Variants in LMBR1 observed in about 807,000 individuals in gnomAD.
The protein encoded by LMBR1 is limb region 1 protein homolog.
A neutral mutation model predicts 73.9 loss-of-function variants in LMBR1; 52 were observed. The ratio of observed to expected loss-of-function variants is 0.70; its 90% CI spans 0.56 to 0.89. LMBR1 has a LOEUF of 0.89. LMBR1 is among the 40% of genes least tolerant of loss of function. The pLI is 0.00. For missense variants in LMBR1, 539 were observed against 579.8 expected, an observed-to-expected ratio of 0.93 and a Z score of 0.72; for synonymous variants, 215 against 209.4, an observed-to-expected ratio of 1.03 and a Z score of -0.23.
intron 15 of LMBR1, among the ~76,000 whole-genome samples, chr7:156,703,808 C>T (rs138543480): frequency 6.9e-4 from 105 of 152,244 alleles, no homozygotes; most frequent in African/African-American, 2.1e-3. Context: ...GCATGGCATC[C>T]GGGCTCATGA....
chr7:156,876,439 T>C (rs957951242), intron 1 of LMBR1, among the ~76,000 whole-genome samples: 1 of 152,040 alleles, frequency 6.6e-6, no homozygotes, highest in Non-Finnish European at 1.5e-5. Flanking sequence ...AAAGAAACAA[T>C]GGATTTAAAC....
At chr7:156,835,489 G>C (rs1011968384) in intron 2 of LMBR1, among the ~76,000 whole-genome samples, 2 of 152,168 alleles carry the variant, frequency 1.3e-5, no homozygotes, top group East Asian at 3.8e-4. Flanking sequence ...GAGGTCAGGA[G>C]TTCGAGACCA....
At chr7:156,709,669 T>C (rs1328038365) in intron 15 of LMBR1, among the ~76,000 whole-genome samples, 2 of 152,046 alleles carry the variant, frequency 1.3e-5, no homozygotes, top group East Asian at 3.9e-4. Flanking sequence ...GAGAACACTG[T>C]ATCAAGGGAT....
chr7:156,866,033 C>T (rs531600544), intron 1 of LMBR1, among the ~76,000 whole-genome samples: 1 of 148,138 alleles, frequency 6.8e-6, no homozygotes, highest in Non-Finnish European at 1.5e-5. Flanking sequence ...TTGGCAAGGT[C>T]TTCTTGCATA....
chr7:156,856,288 A>G (rs1796964575), intron 1 of LMBR1, among the ~76,000 whole-genome samples: 1 of 152,236 alleles, frequency 6.6e-6, no homozygotes. Flanking sequence ...TGTTGCCAAT[A>G]GACTTAATTA....
At chr7:156,841,932 T>C (rs1199403299) in intron 1 of LMBR1, among the ~76,000 whole-genome samples, 2 of 151,472 alleles carry the variant, frequency 1.3e-5, no homozygotes, top group Admixed American at 1.3e-4. Context: ...GAAAAATTAT[T>C]GATGCAAGAG....
chr7:156,843,522 T>C (rs1340874544), intron 1 of LMBR1, among the ~76,000 whole-genome samples: 1 of 152,198 alleles, frequency 6.6e-6, no homozygotes, highest in Non-Finnish European at 1.5e-5. Flanking sequence ...TTAAAAATTA[T>C]GTTTAAAGGT....
chr7:156,740,526 C>T (rs1368643914), intron 9 of LMBR1, among the ~76,000 whole-genome samples: 2 of 152,160 alleles, frequency 1.3e-5, no homozygotes, highest in Non-Finnish European at 2.9e-5. Flanking sequence ...CATCCAATGG[C>T]GCTCCAATCC....
At chr7:156,675,450 G>A (rs1803661388), downstream of LMBR1, among the ~76,000 whole-genome samples, 1 of 152,196 alleles carries the variant, frequency 6.6e-6, no homozygotes, top group South Asian at 2.1e-4. Context: ...TATTCAGTAT[G>A]CCAAGGTGCC....
intron 4 of LMBR1, among the ~76,000 whole-genome samples, chr7:156,824,852 A>T (rs1019120840): frequency 6.6e-6 from 1 of 152,124 alleles, no homozygotes; most frequent in African/African-American, 2.4e-5. Context: ...CTCAATAAAA[A>T]AAAAAAAAAA....
chr7:156,868,047 TAA>T (rs927873607), intron 1 of LMBR1, among the ~76,000 whole-genome samples: 1 of 151,970 alleles, frequency 6.6e-6, no homozygotes, highest in Non-Finnish European at 1.5e-5. Flanking sequence ...TTAATAAAAA[TAA>T]AAGTTTTAAA....
At chr7:156,842,432 GT>G (rs1563509414) in intron 1 of LMBR1, among the ~76,000 whole-genome samples, 1 of 152,154 alleles carries the variant, frequency 6.6e-6, no homozygotes, top group African/African-American at 2.4e-5. Context: ...GGAATAACAC[GT>G]TTTAAGACTT....
chr7:156,739,591 G>GC (rs1409720298), intron 9 of LMBR1, among the ~76,000 whole-genome samples: 7 of 152,186 alleles, frequency 4.6e-5, no homozygotes, highest in Admixed American at 2.0e-4. Context: ...AGGAAGCTCA[G>GC]CACACAGAGA....
intron 1 of LMBR1, among the ~76,000 whole-genome samples, chr7:156,864,539 C>T (rs1284120572): frequency 6.6e-6 from 1 of 152,030 alleles, no homozygotes; most frequent in African/African-American, 2.4e-5. Flanking sequence ...TTAAATAAGG[C>T]AATGAAAAGA....
At chr7:156,721,714 A>G (rs1814624194) in intron 15 of LMBR1, among the ~76,000 whole-genome samples, 1 of 152,134 alleles carries the variant, frequency 6.6e-6, no homozygotes, top group Admixed American at 6.6e-5. Context: ...TATGAAAAAT[A>G]AAACCATCAT....
chr7:156,885,328 C>T (rs1365286683), intron 1 of LMBR1, among the ~76,000 whole-genome samples: 1 of 150,134 alleles, frequency 6.7e-6, no homozygotes, highest in African/African-American at 2.5e-5. Context: ...ATTCCAGCCT[C>T]GGTGACAGAG....
chr7:156,670,104 G>A lies in LMBR1; in HGVS notation n.867-817C>T, dbSNP rs966065321. ...AATTATAAATTTTATGACTTTCACAGTGCATCTTTACACCAGAATGTCAGT... is the reference window on the plus strand; with the variant it reads ...AATTATAAATTTTATGACTTTCACAATGCATCTTTACACCAGAATGTCAGT... On this transcript the variant is annotated intron_variant and non_coding_transcript_variant, in intron 4 of 4. Transcript: ENST00000430825. This position sits in a 1 kb window ranked among gnomAD's most constrained non-coding sequence, Gnocchi z 4.3. Among the ~76,000 whole-genome samples, 5 of 152,138 alleles carry A rather than the reference G, an allele frequency of 3.3e-5. No homozygotes were observed. Among genetic ancestry groups the A allele is most frequent in the African/African-American group, 1.2e-4 (5 of 41,408 alleles).
rs115378804 is a variant in LMBR1 at position 156,744,185 on chromosome 7, G to A, written c.758-9928C>T. ...CCCGAGTAGCTGGGACTACAGGTGC[G>A]TGCCGCCACACTCAGCTGAGTTTTC... On this transcript the variant is annotated intron_variant, in intron 9 of 16. Transcript: ENST00000353442. 4.1e-3 allele frequency among the ~76,000 whole-genome samples: 617 copies of A among 152,130 alleles called. 3 individuals are homozygous for A. The highest frequency in any genetic ancestry group is 0.015 in the African/African-American group (603 of 41,486).
At chr7:156,892,884 G>T in intron 1 of LMBR1, 44 bp downstream of exon 1, 1 of 1,383,718 alleles carries the variant, frequency 7.2e-7, no homozygotes, top group Non-Finnish European at 9.5e-7. Flanking sequence ...GGAGGGCCCG[G>T]GCGGGCACGC....
Sources: gnomAD v4.1 joint callset for allele counts (sites outside exome capture counted in the v4.1 genomes callset) on GRCh38, gnomAD v4.1.1 for gene constraint, Gnocchi (gnomAD v3.1) non-coding constraint, MANE v1.5 for transcripts, NCBI Gene and HGNC (gene_info 2026-07-23, HGNC 2026-07-21) for gene names.